The following CMSS1 variants were observed in gnomAD, a reference collection of about 807,000 sequenced individuals.
The protein encoded by CMSS1 is cms1 ribosomal small subunit homolog.
A neutral mutation model predicts 43.5 loss-of-function variants in CMSS1; 33 were observed. The observed-to-expected ratio is 0.76, with a 90% CI of 0.57 to 1.01. The LOEUF (loss-of-function observed/expected upper bound fraction) is 1.01. CMSS1 is among the 50% of genes least tolerant of loss of function. The pLI is 0.00. For synonymous variants in CMSS1, 115 were observed against 117.2 expected, an observed-to-expected ratio of 0.98 and a Z score of 0.12; for missense variants, 313 against 326.4, an observed-to-expected ratio of 0.96 and a Z score of 0.32.
At chr3:100,076,784 T>C (rs1255427048) in intron 1 of CMSS1, among the ~76,000 whole-genome samples, 2 of 152,232 alleles carry the variant, frequency 1.3e-5, no homozygotes, top group Non-Finnish European at 2.9e-5. Context: ...GATTTCCAGG[T>C]CATTAATAAA....
intron 1 of CMSS1, among the ~76,000 whole-genome samples, chr3:99,998,854 C>T (rs1709760745): frequency 6.6e-6 from 1 of 152,206 alleles, no homozygotes; most frequent in Non-Finnish European, 1.5e-5. Context: ...CAGGCGTGAG[C>T]CACCGCGCCC....
chr3:100,020,479 A>C (rs1186499541), intron 1 of CMSS1, among the ~76,000 whole-genome samples: 1 of 152,204 alleles, frequency 6.6e-6, no homozygotes, highest in Non-Finnish European at 1.5e-5. Context: ...TGATTCATTT[A>C]GGCTCTAATC....
chr3:100,086,570 T>A (rs180924409), intron 1 of CMSS1, among the ~76,000 whole-genome samples: 1 of 152,340 alleles, frequency 6.6e-6, no homozygotes, highest in East Asian at 1.9e-4. Context: ...AAAATTAAAC[T>A]GGTATTTATT....
In CMSS1 at chr3:99,910,792, T is replaced by A. The variant is rs367810026; in HGVS notation, c.64+92749T>A. 3.3e-4 allele frequency among the ~76,000 whole-genome samples: 50 copies of A among 152,278 alleles called. 3 individuals carry two copies. Among genetic ancestry groups the A allele is most frequent in the African/African-American group, 1.2e-3 (50 of 41,572 alleles). On this transcript the variant is annotated intron_variant, in intron 1 of 9. Coordinates refer to ENST00000421999, the MANE Select transcript of CMSS1 (RefSeq NM_032359.4). Reference sequence around the variant, plus strand: ...TAGATAACTAGAATATTTATGCCCATTTTATAGATGGAAGCATCAACACAT... The same window carrying A: ...TAGATAACTAGAATATTTATGCCCAATTTATAGATGGAAGCATCAACACAT...
intron 1 of CMSS1, among the ~76,000 whole-genome samples, chr3:99,908,269 G>A (rs983895301): frequency 6.6e-6 from 1 of 152,216 alleles, no homozygotes; most frequent in African/African-American, 2.4e-5. Flanking sequence ...AAAGTGAGAA[G>A]AGGTATATGT....
At chr3:100,162,247 A>T in intron 3 of CMSS1, 56 bp from the exon 4 acceptor site, 1 of 1,550,356 alleles carries the variant, frequency 6.5e-7, no homozygotes, top group Non-Finnish European at 8.8e-7. Flanking sequence ...AACCTATTCC[A>T]ACCAAATGCC....
intron 1 of CMSS1, among the ~76,000 whole-genome samples, chr3:99,954,115 T>A (rs1250734515): frequency 6.6e-6 from 1 of 152,264 alleles, no homozygotes; most frequent in Middle Eastern, 3.2e-3. Flanking sequence ...TGAGGGCTCA[T>A]CTCACTTAAC....
chr3:100,073,289 T>C (rs953550364), intron 1 of CMSS1, among the ~76,000 whole-genome samples: 3 of 152,216 alleles, frequency 2.0e-5, no homozygotes, highest in Non-Finnish European at 4.4e-5. Flanking sequence ...AACAGAAAAG[T>C]TGAGTTCTTG....
intron 1 of CMSS1, among the ~76,000 whole-genome samples, chr3:99,934,071 G>GTA: frequency 6.6e-6 from 1 of 152,202 alleles, no homozygotes; most frequent in East Asian, 1.9e-4. Context: ...CATCTCAGCT[G>GTA]TATGTGACTC....
At chr3:99,906,469 C>G (rs1026481177) in intron 1 of CMSS1, among the ~76,000 whole-genome samples, 1 of 152,200 alleles carries the variant, frequency 6.6e-6, no homozygotes, top group African/African-American at 2.4e-5. Context: ...TTCTCCCAAT[C>G]TGTAACTTGC....
At chr3:99,981,482 A>C (rs530101197) in intron 1 of CMSS1, among the ~76,000 whole-genome samples, 1 of 152,284 alleles carries the variant, frequency 6.6e-6, no homozygotes, top group South Asian at 2.1e-4. Context: ...ACTCACAATG[A>C]TACATGATAA....
chr3:100,119,465 C>G (rs2066602143), intron 1 of CMSS1, among the ~76,000 whole-genome samples: 1 of 152,200 alleles, frequency 6.6e-6, no homozygotes, highest in Non-Finnish European at 1.5e-5. Context: ...CATGTTATTG[C>G]AATTGCCAAG....
At chr3:100,058,191 T>C (rs950817360) in intron 1 of CMSS1, among the ~76,000 whole-genome samples, 3 of 152,252 alleles carry the variant, frequency 2.0e-5, no homozygotes, top group Non-Finnish European at 4.4e-5. Context: ...CTCTAGAGCC[T>C]ATGCTATTAC....
chr3:99,927,732 A>T (rs114333405), intron 1 of CMSS1, among the ~76,000 whole-genome samples: 2,305 of 150,452 alleles, frequency 0.015, 47 homozygotes, highest in African/African-American at 0.046. Flanking sequence ...ATTTTTTTTT[A>T]AAATTAAGTT....
chr3:99,997,715 T>A (rs1158325495), intron 1 of CMSS1, among the ~76,000 whole-genome samples: 1 of 152,190 alleles, frequency 6.6e-6, no homozygotes, highest in Non-Finnish European at 1.5e-5. Flanking sequence ...TATTAGTAGT[T>A]TAAAACTTTG....
chr3:100,085,406 G>A (rs1576038188), intron 1 of CMSS1, among the ~76,000 whole-genome samples: 3 of 152,186 alleles, frequency 2.0e-5, no homozygotes, highest in South Asian at 4.2e-4. Flanking sequence ...TAATAGCAGG[G>A]TCTTTTTATA....
intron 1 of CMSS1, among the ~76,000 whole-genome samples, chr3:99,880,889 T>C (rs1158295215): frequency 6.6e-6 from 1 of 152,176 alleles, no homozygotes; most frequent in African/African-American, 2.4e-5. Flanking sequence ...TGTATGTATA[T>C]GTGTATGTAT....
In CMSS1 at chr3:100,133,435, T is replaced by G. The variant is rs140561163; in HGVS notation, c.65-13538T>G. On this transcript the variant is annotated intron_variant, in intron 1 of 9. Coordinates refer to ENST00000421999, the MANE Select transcript of CMSS1 (RefSeq NM_032359.4). Reference sequence around the variant, plus strand: ...GATATCTTTTACAGTAGGACTGTCTTTTTATAGTGGAACCAAATTTTTTTG... The same window carrying G: ...GATATCTTTTACAGTAGGACTGTCTGTTTATAGTGGAACCAAATTTTTTTG... 1.0e-3 allele frequency among the ~76,000 whole-genome samples: 155 copies of G among 151,922 alleles called. 1 individual carries two copies. Among genetic ancestry groups the G allele is most frequent in the African/African-American group, 3.5e-3 (146 of 41,400 alleles).
At chr3:100,125,414 T>C (rs1042910820) in intron 1 of CMSS1, among the ~76,000 whole-genome samples, 23 of 152,112 alleles carry the variant, frequency 1.5e-4, no homozygotes, top group African/African-American at 5.3e-4. Context: ...AAGGAAGGAG[T>C]TGCTGTTTCT....
Sources: allele counts gnomAD v4.1 joint callset (sites outside exome capture counted in the v4.1 genomes callset), GRCh38; gene constraint gnomAD v4.1.1; transcripts MANE v1.5; gene names NCBI Gene and HGNC (gene_info 2026-07-23, HGNC 2026-07-21).